PLCXD3: variants seen among roughly 807,000 people sequenced by gnomAD.
PLCXD3 encodes PI-PLC X domain-containing protein 3.
PLCXD3 carries 19 observed loss-of-function variants against 25.5 expected under a neutral mutation model. The observed-to-expected ratio is 0.75, with a 90% CI of 0.52 to 1.09. PLCXD3 has a LOEUF of 1.09. PLCXD3 is among the 50% of genes least tolerant of loss of function. PLCXD3 has a pLI of 0.00. For missense variants in PLCXD3, 411 were observed against 388.1 expected (o/e 1.06, Z -0.50); for synonymous variants, 174 against 137.6 (o/e 1.26, Z -1.85).
chr5:41,349,405 T>A (rs1744390035), intron 2 of PLCXD3, among the ~76,000 whole-genome samples: 1 of 152,202 alleles, frequency 6.6e-6, no homozygotes, highest in African/African-American at 2.4e-5. Context: ...TTCTTTCAAA[T>A]TTGGAGATGG....
chr5:41,330,714 G>A lies in PLCXD3; in HGVS notation c.813-16944C>T, dbSNP rs556319365. On this transcript the variant is annotated intron_variant, in intron 2 of 2. Coordinates refer to ENST00000377801, the MANE Select transcript of PLCXD3 (RefSeq NM_001005473.3). ...ATCCTCAATAAAATACTGGCAAACCGAATCCAGCAGCACATCAAAAAGCTT... is the reference window on the plus strand; with the variant it reads ...ATCCTCAATAAAATACTGGCAAACCAAATCCAGCAGCACATCAAAAAGCTT... Among the ~76,000 whole-genome samples, 720 of 152,118 alleles carry A rather than the reference G, an allele frequency of 4.7e-3. 7 individuals carry two copies. The highest frequency in any genetic ancestry group is 0.027 in the Middle Eastern group (8 of 294).
At chr5:41,411,816 AT>A (rs1295107642) in intron 1 of PLCXD3, among the ~76,000 whole-genome samples, 4 of 149,354 alleles carry the variant, frequency 2.7e-5, no homozygotes, top group African/African-American at 9.8e-5. Flanking sequence ...GGATATATAT[AT>A]GTCCATATTG....
At chr5:41,376,854 A>G (rs1052517614) in intron 2 of PLCXD3, among the ~76,000 whole-genome samples, 23 of 152,172 alleles carry the variant, frequency 1.5e-4, no homozygotes, top group African/African-American at 5.5e-4. Flanking sequence ...AGCCGTACTC[A>G]TAGGAGCTGT....
intron 1 of PLCXD3, among the ~76,000 whole-genome samples, chr5:41,392,040 A>G (rs1250300055): frequency 6.6e-6 from 1 of 152,110 alleles, no homozygotes; most frequent in Non-Finnish European, 1.5e-5. Flanking sequence ...GCAACACAGT[A>G]AAACAGAAGG....
intron 2 of PLCXD3, among the ~76,000 whole-genome samples, chr5:41,366,624 C>T (rs1744944713): frequency 6.6e-6 from 1 of 152,140 alleles, no homozygotes; most frequent in Non-Finnish European, 1.5e-5. Flanking sequence ...ACATATATGC[C>T]CAAGCACACA....
At chr5:41,443,780 T>G (rs1747437626) in intron 1 of PLCXD3, among the ~76,000 whole-genome samples, 1 of 152,186 alleles carries the variant, frequency 6.6e-6, no homozygotes, top group Non-Finnish European at 1.5e-5. Flanking sequence ...CAGGGCAGGC[T>G]GGGTGAAGTA....
chr5:41,495,095 C>G (rs529026051), intron 1 of PLCXD3, among the ~76,000 whole-genome samples: 1 of 152,326 alleles, frequency 6.6e-6, no homozygotes, highest in Non-Finnish European at 1.5e-5. Context: ...CACATCAAAG[C>G]CAGAAGGCAG....
At chr5:41,391,936 G>T (rs78348099) in intron 1 of PLCXD3, among the ~76,000 whole-genome samples, 16,574 of 152,158 alleles carry the variant, frequency 0.11, 1,081 homozygotes, top group Admixed American at 0.17. Context: ...GGCCTGGGGT[G>T]GTGGTGGTGG....
Position 41,381,954 on chromosome 5 carries a change from A to G in PLCXD3, c.684T>C (p.Phe228=). The part of the protein sequence containing the change: ...NTTDPEKLIQ[F]LQASITERRK... ...TTCTCTCAGTGATGGATGCTTGAAG[A>G]AACTGGATCAGTTTCTCGGGGTCTG... Residue 228 remains phenylalanine (F), a synonymous_variant, in exon 2 of 3, where the codon TTT becomes TTC. Coordinates refer to ENST00000377801, the MANE Select transcript of PLCXD3 (RefSeq NM_001005473.3). 6.2e-7 allele frequency: 1 copy of G among 1,613,458 alleles called. No homozygotes were observed. The highest frequency in any genetic ancestry group is 1.1e-5 in the South Asian group (1 of 91,056).
intron 2 of PLCXD3, among the ~76,000 whole-genome samples, chr5:41,333,734 G>A (rs1163530802): frequency 1.3e-5 from 2 of 152,054 alleles, no homozygotes; most frequent in East Asian, 3.8e-4. Flanking sequence ...TAGGTGACCT[G>A]GGATTTCCTG....
intron 2 of PLCXD3, among the ~76,000 whole-genome samples, chr5:41,320,544 T>G (rs1743436204): frequency 1.3e-5 from 2 of 152,262 alleles, no homozygotes; most frequent in South Asian, 4.1e-4. Flanking sequence ...TCGCCCAGAC[T>G]GGAGTGCAGT....
At chr5:41,381,168 A>G (rs1413443623) in intron 2 of PLCXD3, among the ~76,000 whole-genome samples, 1 of 152,122 alleles carries the variant, frequency 6.6e-6, no homozygotes, top group Non-Finnish European at 1.5e-5. Context: ...TTTCAAATGG[A>G]ATTAGGGATA....
At chr5:41,357,320 AGTT>A (rs922623290) in intron 2 of PLCXD3, among the ~76,000 whole-genome samples, 5 of 152,342 alleles carry the variant, frequency 3.3e-5, no homozygotes, top group South Asian at 4.1e-4. Context: ...ATTTTTAAAA[AGTT>A]GTTATCAATT....
chr5:41,375,114 AAG>A (rs1745249399), intron 2 of PLCXD3, among the ~76,000 whole-genome samples: 2 of 151,992 alleles, frequency 1.3e-5, no homozygotes, highest in African/African-American at 4.8e-5. Flanking sequence ...AGAGAAAAAA[AAG>A]AGTCCGTTGG....
chr5:41,367,453 C>T (rs1301883220), intron 2 of PLCXD3, among the ~76,000 whole-genome samples: 2 of 151,828 alleles, frequency 1.3e-5, no homozygotes, highest in East Asian at 1.9e-4. Context: ...TGAGAAGTGT[C>T]TGTTCATCAT....
intron 2 of PLCXD3, among the ~76,000 whole-genome samples, chr5:41,352,581 G>A (rs1744495133): frequency 6.6e-6 from 1 of 152,116 alleles, no homozygotes; most frequent in Non-Finnish European, 1.5e-5. Flanking sequence ...TACTTGATTA[G>A]AATAAAAGGT....
At chr5:41,480,396 T>G (rs973564439) in intron 1 of PLCXD3, among the ~76,000 whole-genome samples, 10 of 151,512 alleles carry the variant, frequency 6.6e-5, no homozygotes, top group Non-Finnish European at 1.2e-4. Context: ...CAAAGTTGTT[T>G]TTTTTTTTTT....
intron 1 of PLCXD3, among the ~76,000 whole-genome samples, chr5:41,488,358 T>C (rs1580398089): frequency 7.5e-6 from 1 of 132,454 alleles, no homozygotes; most frequent in Middle Eastern, 3.5e-3. Context: ...TTCCAAGTCT[T>C]TGCTATTGTG....
At chr5:41,460,207 C>T (rs1394146547) in intron 1 of PLCXD3, among the ~76,000 whole-genome samples, 1 of 151,852 alleles carries the variant, frequency 6.6e-6, no homozygotes, top group Admixed American at 6.6e-5. Context: ...AGGAAATGTT[C>T]ATTCCTAGCA....
Sources: gnomAD v4.1 joint callset for allele counts (sites outside exome capture counted in the v4.1 genomes callset) on GRCh38, gnomAD v4.1.1 for gene constraint, MANE v1.5 for transcripts, NCBI Gene and HGNC (gene_info 2026-07-23, HGNC 2026-07-21) for gene names.